The following SORL1 variants were observed in gnomAD, a reference collection of about 807,000 sequenced individuals.
SORL1 encodes sortilin-related receptor.
SORL1 carries 127 observed loss-of-function variants against 273.7 expected under a neutral mutation model. That is an observed-to-expected ratio of 0.46 (90% CI 0.40 to 0.54). The LOEUF is 0.54. Among genes scored for constraint, SORL1 ranks in the 20% least tolerant of loss-of-function variants. SORL1 has a pLI of 0.00. For missense variants in SORL1, 2,494 were observed against 2,846.1 expected (o/e 0.88, Z 2.81); for synonymous variants, 1,031 against 1,067.4 (o/e 0.97, Z 0.66).
intron 2 of SORL1, among the ~76,000 whole-genome samples, chr11:121,477,605 T>G (rs1304670625): frequency 6.6e-6 from 1 of 152,254 alleles, no homozygotes; most frequent in African/African-American, 2.4e-5. Context: ...CCATGCTTTC[T>G]GCCCCCACAT....
chr11:121,514,317 G>A lies in SORL1; in HGVS notation c.1207G>A (p.Val403Met). ...AGGAGGGGCCGGCAGTGACACCTTG[G>A]TGAGGTAAGGAGACTGTGAGTCCTT... Reference protein sequence around the residue: ...SPGGAGSDTLVRYFANEPFAD... With the variant: ...SPGGAGSDTLMRYFANEPFAD... Residue 403 changes from valine to methionine, a missense_variant, in exon 8 of 48, where the codon GTG (valine) becomes ATG (methionine). This residue lies in a region of SORL1 where 710 missense variants were observed against 882.5 expected (regional missense o/e 0.80). Transcript: ENST00000260197. 1 of 1,613,396 alleles carries A rather than the reference G, an allele frequency of 6.2e-7. No individual in the cohort carries two copies. The highest frequency in any genetic ancestry group is 1.1e-5 in the South Asian group (1 of 90,984).
intron 23 of SORL1, among the ~76,000 whole-genome samples, chr11:121,573,807 C>T (rs1862883997): frequency 6.6e-6 from 1 of 152,200 alleles, no homozygotes; most frequent in South Asian, 2.1e-4. Context: ...CTGTAGAATT[C>T]TACCTCCATG....
At chr11:121,507,768 G>A (rs1488607999) in intron 6 of SORL1, among the ~76,000 whole-genome samples, 1 of 151,418 alleles carries the variant, frequency 6.6e-6, no homozygotes, top group Non-Finnish European at 1.5e-5. Flanking sequence ...TCTAATGTCT[G>A]AGCTTTTAAG....
rs1862891860 is a variant in SORL1, at chr11:121,574,261, G to T, written c.3358G>T (p.Asp1120Tyr). The change falls in exon 24 of 48, where the codon GAC becomes TAC. Residue 1120 changes from aspartate (D) to tyrosine (Y), a missense_variant. Transcript: ENST00000260197. ...RNCPTTICDLDTQFRCQESGT... is the reference protein window; with the variant it reads ...RNCPTTICDLYTQFRCQESGT... ...TTTAGCTACCACCATCTGTGACCTG[G>T]ACACCCAGTTTCGTTGCCAGGAGTC... The T allele has an allele frequency of 1.9e-6, 3 of 1,613,752 alleles. No individual in the cohort carries two copies. Among genetic ancestry groups the T allele is most frequent in the Non-Finnish European group, 2.5e-6 (3 of 1,179,788 alleles).
In SORL1 at chr11:121,566,989, G is replaced by A. The variant is rs771231399; in HGVS notation, c.3099G>A (p.Lys1033=). The A allele has an allele frequency of 2.5e-6, 4 of 1,614,128 alleles. No individual in the cohort carries two copies. The South Asian group carries it at 4.4e-5, about 18-fold the overall frequency. The change falls in exon 22 of 48, where the codon AAG becomes AAA. Residue 1033 remains lysine, a synonymous_variant. Transcript: ENST00000260197. Reference sequence around the variant, plus strand: ...CATGCAGCCTGCTGTGCCTGCCCAAGGCCAACAACAGTAGAAGCTGCAGGT... The same window carrying A: ...CATGCAGCCTGCTGTGCCTGCCCAAAGCCAACAACAGTAGAAGCTGCAGGT... ...PRPCSLLCLP[K]ANNSRSCRCP... is the part of the protein sequence containing the mutation.
Position 121,604,230 on chromosome 11 carries a change from C to T in SORL1, c.4557C>T (p.Phe1519=). Residue 1519 remains phenylalanine, a synonymous_variant, in exon 33 of 48, where the codon TTC becomes TTT. Transcript: ENST00000260197. ...HSTLTCMSRE[F]QCEDGEACIV... ...CCTTGACTTGCATGAGCAGGGAGTTCCAGTGCGAGGACGGGGAGGCCTGCA... is the reference window on the plus strand; with the variant it reads ...CCTTGACTTGCATGAGCAGGGAGTTTCAGTGCGAGGACGGGGAGGCCTGCA... The T allele has an allele frequency of 6.2e-7, 1 of 1,614,142 alleles. No individual in the cohort carries two copies.
At chr11:121,629,439 A>G (rs2134959987) in intron 47 of SORL1, 57 bp from the exon 48 acceptor site, 1 of 874,348 alleles carries the variant, frequency 1.1e-6, no homozygotes, top group Non-Finnish European at 2.0e-6. Flanking sequence ...GTGGTGGGAT[A>G]TGGGGTCAGG....
In SORL1 at chr11:121,627,650, G is replaced by C; in HGVS notation, c.6460G>C (p.Gly2154Arg). The change falls in exon 47 of 48, where the codon GGG (glycine) becomes CGG (arginine). Residue 2154 changes from glycine (G) to arginine (R), a missense_variant. Coordinates refer to ENST00000260197, the MANE Select transcript of SORL1 (RefSeq NM_003105.6). This position sits in a 1 kb window ranked among gnomAD's most constrained non-coding sequence, Gnocchi z 4.9. ...LFLILLSLGV[G>R]FAILYTKHRR... Reference sequence around the variant, plus strand: ...CCTGATACTGCTGAGCCTGGGGGTGGGGTTTGCCATCCTGTACACGAAGCA... The same window carrying C: ...CCTGATACTGCTGAGCCTGGGGGTGCGGTTTGCCATCCTGTACACGAAGCA... 1 of 1,614,186 alleles carries C rather than the reference G, an allele frequency of 6.2e-7. No individual in the cohort carries two copies. Among genetic ancestry groups the C allele is most frequent in the Non-Finnish European group, 8.5e-7 (1 of 1,180,030 alleles).
chr11:121,581,761 G>A (rs1288014467), intron 25 of SORL1, among the ~76,000 whole-genome samples: 2 of 152,176 alleles, frequency 1.3e-5, no homozygotes, highest in Non-Finnish European at 2.9e-5. Flanking sequence ...ATTGTCATTT[G>A]GAAACTTCAC....
intron 45 of SORL1, among the ~76,000 whole-genome samples, chr11:121,623,773 G>A (rs529963147): frequency 8.5e-5 from 13 of 152,318 alleles, no homozygotes; most frequent in South Asian, 4.1e-4. Flanking sequence ...TTAGTATTTC[G>A]TTCCTAGTGG....
rs755074440 is a variant in SORL1, at chr11:121,586,281, T to C, written c.3766T>C (p.Cys1256Arg). 6.2e-7 allele frequency: 1 copy of C among 1,614,096 alleles called. No homozygotes were observed. The highest frequency in any genetic ancestry group is 1.7e-5 in the Admixed American group (1 of 60,018). Residue 1256 changes from cysteine to arginine, a missense_variant, in exon 27 of 48, where the codon TGT becomes CGT. Coordinates refer to ENST00000260197, the MANE Select transcript of SORL1 (RefSeq NM_003105.6). Reference sequence around the variant, plus strand: ...CACTTGCATCCCATCCAGCAAACATTGTGATGGTCTGCGTGATTGCTCTGA... The same window carrying C: ...CACTTGCATCCCATCCAGCAAACATCGTGATGGTCTGCGTGATTGCTCTGA... ...NGTCIPSSKH[C>R]DGLRDCSDGS...
At chr11:121,604,747 T>A (rs1385007173) in intron 33 of SORL1, among the ~76,000 whole-genome samples, 1 of 152,026 alleles carries the variant, frequency 6.6e-6, no homozygotes, top group Non-Finnish European at 1.5e-5. Context: ...GAAGATGAAA[T>A]TCGAGGGAAA....
At chr11:121,618,226 A>G (rs762405596) in intron 41 of SORL1, among the ~76,000 whole-genome samples, 1 of 152,216 alleles carries the variant, frequency 6.6e-6, no homozygotes, top group Non-Finnish European at 1.5e-5. Flanking sequence ...ATTCTCAATC[A>G]GAACCAGAGT....
intron 8 of SORL1, among the ~76,000 whole-genome samples, chr11:121,518,679 A>C (rs1286745123): frequency 6.6e-6 from 1 of 152,192 alleles, no homozygotes; most frequent in Non-Finnish European, 1.5e-5. Context: ...AGGAAACCAC[A>C]TGTCAGAGAA....
At position 121,627,800 on chromosome 11, in the gene SORL1, C is replaced by A; in HGVS notation, c.6577+33C>A. On this transcript the variant is annotated intron_variant, in intron 47 of 47. Transcript: ENST00000260197. This position sits in a 1 kb window ranked among gnomAD's most constrained non-coding sequence, Gnocchi z 4.9. ...GGGCAGGGAGAGTCGGTTCTTCCTC[C>A]CAGGGCTGACCCCCACGCAGCCAAT... is the stretch of plus-strand genomic sequence containing the variant. 1 of 1,505,454 alleles carries A rather than the reference C, an allele frequency of 6.6e-7. No individual in the cohort carries two copies. Among genetic ancestry groups the A allele is most frequent in the South Asian group, 1.1e-5 (1 of 86,992 alleles). 93.3% of individuals were successfully genotyped at this position (1,505,454 alleles called of 1,614,324 possible).
intron 8 of SORL1, among the ~76,000 whole-genome samples, chr11:121,516,770 C>T (rs1021826201): frequency 2.0e-5 from 3 of 151,806 alleles, no homozygotes; most frequent in Non-Finnish European, 4.4e-5. Flanking sequence ...AAATTATTTA[C>T]TGGCCGGGCA....
intron 1 of SORL1, among the ~76,000 whole-genome samples, chr11:121,468,910 C>T (rs555059919): frequency 3.3e-5 from 5 of 152,324 alleles, no homozygotes; most frequent in African/African-American, 9.6e-5. Context: ...TGATATGCTT[C>T]CTCAGTTTTC....
intron 2 of SORL1, among the ~76,000 whole-genome samples, chr11:121,474,020 G>C (rs1027342719): frequency 3.3e-5 from 5 of 152,234 alleles, no homozygotes; most frequent in African/African-American, 9.6e-5. Context: ...CTGGGGAGCA[G>C]TGTCAGTTCT....
At chr11:121,582,255 C>T (rs927968988) in intron 25 of SORL1, among the ~76,000 whole-genome samples, 2 of 152,184 alleles carry the variant, frequency 1.3e-5, no homozygotes, top group Non-Finnish European at 2.9e-5. Flanking sequence ...CATCATAAAC[C>T]AATTTTCCCA....
Sources: gnomAD v4.1 joint callset for allele counts (sites outside exome capture counted in the v4.1 genomes callset) on GRCh38, gnomAD v4.1.1 for gene constraint, gnomAD v4.1.1 regional missense constraint, Gnocchi (gnomAD v3.1) non-coding constraint, MANE v1.5 for transcripts, NCBI Gene and HGNC (gene_info 2026-07-23, HGNC 2026-07-21) for gene names.